Variants in OR10J1 observed in about 807,000 individuals in gnomAD.
The protein encoded by OR10J1 is olfactory receptor family 10 subfamily J member 1.
For missense variants in OR10J1, 474 were observed against 376.6 expected, an observed-to-expected ratio of 1.26 and a Z score of -2.14; for synonymous variants, 202 against 143.8, an observed-to-expected ratio of 1.40 and a Z score of -2.89.
the OR10J1 span, among the ~76,000 whole-genome samples, chr1:159,427,536 A>C: frequency 6.6e-6 from 1 of 151,962 alleles, no homozygotes; most frequent in Non-Finnish European, 1.5e-5. Flanking sequence ...TATTTTTAAA[A>C]GGTATATAAA....
At chr1:159,400,022 A>C in the OR10J1 span, among the ~76,000 whole-genome samples, 1 of 152,236 alleles carries the variant, frequency 6.6e-6, no homozygotes, top group African/African-American at 2.4e-5. Context: ...AATATGCAAT[A>C]GATACACAAA....
chr1:159,432,624 G>C, the OR10J1 span: 1 of 459,758 alleles, frequency 2.2e-6, no homozygotes, highest in African/African-American at 2.0e-5. Context: ...GGGCAAAAAG[G>C]CTTGTATACA....
chr1:159,435,354 C>T, upstream of OR10J1, among the ~76,000 whole-genome samples: 1 of 152,182 alleles, frequency 6.6e-6, no homozygotes, highest in East Asian at 1.9e-4. Flanking sequence ...TCAATTCTCA[C>T]ATGCAGTCTG....
chr1:159,408,630 A>T, the OR10J1 span, among the ~76,000 whole-genome samples: 1 of 151,926 alleles, frequency 6.6e-6, no homozygotes, highest in South Asian at 2.1e-4. Context: ...AAAAAAAAAG[A>T]AGGCCTGGTG....
At chr1:159,419,708 T>C in the OR10J1 span, among the ~76,000 whole-genome samples, 1 of 152,236 alleles carries the variant, frequency 6.6e-6, no homozygotes, top group Non-Finnish European at 1.5e-5. Context: ...ATGATTTCAG[T>C]ATTATTCAAT....
chr1:159,405,916 A>C, the OR10J1 span: 3 of 529,854 alleles, frequency 5.7e-6, no homozygotes, highest in Non-Finnish European at 1.1e-5. Context: ...AGCCATGCCC[A>C]GGCCAATCCT....
chr1:159,412,778 C>T, the OR10J1 span, among the ~76,000 whole-genome samples: 2 of 151,620 alleles, frequency 1.3e-5, no homozygotes, highest in Non-Finnish European at 2.9e-5. Flanking sequence ...TAGGGATGGG[C>T]AAGGACTTCA....
the OR10J1 span, among the ~76,000 whole-genome samples, chr1:159,426,239 G>A: frequency 6.6e-6 from 1 of 151,784 alleles, no homozygotes; most frequent in Non-Finnish European, 1.5e-5. Context: ...AATGGATTAA[G>A]CTAATTAATG....
At chr1:159,416,091 C>CT in the OR10J1 span, among the ~76,000 whole-genome samples, 3 of 151,754 alleles carry the variant, frequency 2.0e-5, no homozygotes, top group Non-Finnish European at 2.9e-5. Context: ...TTGGTGGAGT[C>CT]TTTAGGTTTT....
upstream of OR10J1, among the ~76,000 whole-genome samples, chr1:159,439,324 G>A (rs1655833299): frequency 6.6e-6 from 1 of 152,184 alleles, no homozygotes; most frequent in Non-Finnish European, 1.5e-5. Context: ...GATGTAAAAG[G>A]TATTATAAAG....
chr1:159,402,556 G>T, the OR10J1 span, among the ~76,000 whole-genome samples: 12 of 151,914 alleles, frequency 7.9e-5, no homozygotes, highest in Admixed American at 6.6e-4. Flanking sequence ...CTTAACCAAA[G>T]AAGTGAAAGA....
chr1:159,414,655 G>A, the OR10J1 span, among the ~76,000 whole-genome samples: 2 of 152,038 alleles, frequency 1.3e-5, no homozygotes, highest in Non-Finnish European at 2.9e-5. Flanking sequence ...TAGCTTTTGA[G>A]AAATGTCATA....
At chr1:159,437,570 A>G (rs1430193125), upstream of OR10J1, among the ~76,000 whole-genome samples, 2 of 152,238 alleles carry the variant, frequency 1.3e-5, no homozygotes, top group Non-Finnish European at 2.9e-5. Context: ...AACTAAATAA[A>G]CCAGCTTCCT....
upstream of OR10J1, among the ~76,000 whole-genome samples, chr1:159,434,032 T>C (rs1655665435): frequency 6.6e-6 from 1 of 152,210 alleles, no homozygotes; most frequent in South Asian, 2.1e-4. Context: ...CATCTCCTTT[T>C]GGTACATTTA....
the OR10J1 span, among the ~76,000 whole-genome samples, chr1:159,425,728 A>T: frequency 6.6e-6 from 1 of 152,096 alleles, no homozygotes; most frequent in African/African-American, 2.4e-5. Flanking sequence ...CAGGAGAAGT[A>T]TGTGGGTGTG....
chr1:159,434,723 G>T (rs1319419737), upstream of OR10J1, among the ~76,000 whole-genome samples: 1 of 152,092 alleles, frequency 6.6e-6, no homozygotes, highest in African/African-American at 2.4e-5. Flanking sequence ...TTTCCTATCT[G>T]CATGGTGAGT....
At chr1:159,405,663 G>A in the OR10J1 span, 3 of 500,358 alleles carry the variant, frequency 6.0e-6, no homozygotes, top group Admixed American at 4.8e-5. Context: ...AGGTGGCACA[G>A]GCCTTCTTCC....
chr1:159,407,374 C>G, the OR10J1 span, among the ~76,000 whole-genome samples: 2 of 152,032 alleles, frequency 1.3e-5, no homozygotes, highest in Non-Finnish European at 2.9e-5. Flanking sequence ...TGCTTTATCT[C>G]TAAAATGAGC....
the OR10J1 span, among the ~76,000 whole-genome samples, chr1:159,415,597 T>G: frequency 2.0e-5 from 3 of 152,098 alleles, no homozygotes; most frequent in Non-Finnish European, 4.4e-5. Flanking sequence ...CTTTTTCTAA[T>G]TCTGTGAAAT....
Sources: gnomAD v4.1 joint callset for allele counts (sites outside exome capture counted in the v4.1 genomes callset) on GRCh38, gnomAD v4.1.1 for gene constraint, MANE v1.5 for transcripts, NCBI Gene and HGNC (gene_info 2026-07-23, HGNC 2026-07-21) for gene names.